FGF12: variants seen among roughly 807,000 people sequenced by gnomAD.
FGF12 encodes the protein fibroblast growth factor 12B.
A neutral mutation model predicts 23.6 loss-of-function variants in FGF12; 14 were observed. That is an observed-to-expected ratio of 0.59 (90% CI 0.39 to 0.93). The LOEUF is 0.93. Ranked by LOEUF, FGF12 falls within the 40% of genes least tolerant of loss-of-function variation. The pLI, the probability that FGF12 is intolerant of heterozygous loss-of-function variation, is 0.00. For missense variants in FGF12, 175 were observed against 217.8 expected, an observed-to-expected ratio of 0.80 and a Z score of 1.24; for synonymous variants, 62 against 77.3, an observed-to-expected ratio of 0.80 and a Z score of 1.04.
chr3:192,375,271 G>A (rs896988240), intron 2 of FGF12, among the ~76,000 whole-genome samples: 1 of 151,986 alleles, frequency 6.6e-6, no homozygotes, highest in African/African-American at 2.4e-5. Flanking sequence ...ATCTTCGTTT[G>A]TGGTTTTTAT....
At chr3:192,617,246 T>C (rs903478723) in intron 2 of FGF12, among the ~76,000 whole-genome samples, 1 of 152,016 alleles carries the variant, frequency 6.6e-6, no homozygotes, top group East Asian at 1.9e-4. Flanking sequence ...ATTAAGAACC[T>C]AAAGAGAAGT....
At chr3:192,307,303 A>AC (rs1166772796) in intron 4 of FGF12, among the ~76,000 whole-genome samples, 1 of 152,226 alleles carries the variant, frequency 6.6e-6, no homozygotes, top group East Asian at 1.9e-4. Context: ...ATGATGCCAG[A>AC]TAAAAAAGGC....
chr3:192,540,441 A>G (rs1725338088), intron 2 of FGF12, among the ~76,000 whole-genome samples: 1 of 151,954 alleles, frequency 6.6e-6, no homozygotes, highest in African/African-American at 2.4e-5. Flanking sequence ...TCATGGTTGT[A>G]TAGTTTTCAA....
At chr3:192,595,080 G>T (rs117240307) in intron 2 of FGF12, among the ~76,000 whole-genome samples, 1 of 152,214 alleles carries the variant, frequency 6.6e-6, no homozygotes, top group East Asian at 1.9e-4. Context: ...TTTCCTTGTA[G>T]GGTATTAACC....
chr3:192,608,191 C>CA (rs781724237), intron 2 of FGF12, among the ~76,000 whole-genome samples: 1 of 151,946 alleles, frequency 6.6e-6, no homozygotes, highest in Non-Finnish European at 1.5e-5. Flanking sequence ...TTAATGGGTA[C>CA]AAAAAATATA....
intron 5 of FGF12, among the ~76,000 whole-genome samples, chr3:192,161,365 G>T (rs1212810197): frequency 1.3e-5 from 2 of 151,988 alleles, no homozygotes; most frequent in Non-Finnish European, 2.9e-5. Flanking sequence ...GAAATACCCG[G>T]ATGTTCTAAG....
intron 4 of FGF12, among the ~76,000 whole-genome samples, chr3:192,230,832 T>A (rs908382799): frequency 6.6e-6 from 1 of 152,092 alleles, no homozygotes; most frequent in Non-Finnish European, 1.5e-5. Context: ...ATTCATATAG[T>A]GCATCAGCAA....
At chr3:192,329,504 T>A (rs988697178) in intron 4 of FGF12, among the ~76,000 whole-genome samples, 2 of 152,190 alleles carry the variant, frequency 1.3e-5, no homozygotes, top group African/African-American at 4.8e-5. Context: ...TTTATCTACA[T>A]TTGCTTTATT....
At chr3:192,442,948 C>T (rs1195837883) in intron 2 of FGF12, among the ~76,000 whole-genome samples, 1 of 151,970 alleles carries the variant, frequency 6.6e-6, no homozygotes, top group Non-Finnish European at 1.5e-5. Flanking sequence ...GCTGGGATTA[C>T]AGGTGCCTGC....
At chr3:192,167,399 G>A (rs1020378168) in intron 5 of FGF12, among the ~76,000 whole-genome samples, 5 of 151,990 alleles carry the variant, frequency 3.3e-5, no homozygotes, top group African/African-American at 1.2e-4. Flanking sequence ...CAGCATGTGT[G>A]GTTGTGTTCC....
chr3:192,468,169 T>C (rs1462089165), intron 2 of FGF12, among the ~76,000 whole-genome samples: 1 of 152,190 alleles, frequency 6.6e-6, no homozygotes, highest in Non-Finnish European at 1.5e-5. Context: ...ACAATCTTTT[T>C]GGAAAAATTG....
At chr3:192,293,116 T>C (rs1714847106) in intron 4 of FGF12, among the ~76,000 whole-genome samples, 1 of 152,118 alleles carries the variant, frequency 6.6e-6, no homozygotes, top group Non-Finnish European at 1.5e-5. Flanking sequence ...CTCTCAGAAT[T>C]TCATTTAAAT....
rs372289930 is a variant in FGF12, at chr3:192,173,011, ATTATG to A, written c.229-2360_229-2356del. ...GGCAACAAGGATGAACCTCATACAC[ATTATG>A]TTAAGTGCAAGGAGCCAGATATAAA... is the stretch of plus-strand genomic sequence containing the variant. On this transcript the variant is annotated intron_variant, in intron 4 of 5. Transcript: ENST00000445105. Among the ~76,000 whole-genome samples the A allele has an allele frequency of 1.2e-4, 18 of 150,992 alleles. 1 individual carries two copies. Among genetic ancestry groups the A allele is most frequent in the African/African-American group, 3.6e-4 (15 of 41,308 alleles).
At chr3:192,649,568 TA>T (rs1402513307) in intron 2 of FGF12, among the ~76,000 whole-genome samples, 10 of 152,160 alleles carry the variant, frequency 6.6e-5, no homozygotes, top group Admixed American at 6.6e-5. Flanking sequence ...ATTTATTTAT[TA>T]TTTTTTAATA....
At chr3:192,289,493 G>C (rs550623764) in intron 4 of FGF12, among the ~76,000 whole-genome samples, 4 of 152,090 alleles carry the variant, frequency 2.6e-5, no homozygotes, top group Non-Finnish European at 1.5e-5. Context: ...AATAAGTAGA[G>C]GATTCAAATG....
intron 3 of FGF12, among the ~76,000 whole-genome samples, chr3:192,358,602 G>T (rs148241978): frequency 2.6e-5 from 4 of 151,850 alleles, no homozygotes; most frequent in East Asian, 1.9e-4. Context: ...TTCACCCAGC[G>T]TCAGCAGAGC....
intron 2 of FGF12, among the ~76,000 whole-genome samples, chr3:192,714,278 T>C (rs1447851740): frequency 1.3e-5 from 2 of 152,050 alleles, no homozygotes; most frequent in African/African-American, 4.8e-5. Context: ...GAAACTGTTC[T>C]TTTAGAACTC....
intron 2 of FGF12, among the ~76,000 whole-genome samples, chr3:192,578,971 C>T (rs776917504): frequency 1.3e-5 from 2 of 152,180 alleles, no homozygotes; most frequent in Non-Finnish European, 2.9e-5. Flanking sequence ...AGACCTCCCA[C>T]GCTGCCTTGG....
intron 2 of FGF12, among the ~76,000 whole-genome samples, chr3:192,508,775 G>T (rs1157416848): frequency 6.6e-6 from 1 of 152,072 alleles, no homozygotes; most frequent in Non-Finnish European, 1.5e-5. Context: ...TTCCATTAAA[G>T]CTCTCATCTG....
Sources: gnomAD v4.1 joint callset for allele counts (sites outside exome capture counted in the v4.1 genomes callset) on GRCh38, gnomAD v4.1.1 for gene constraint, MANE v1.5 for transcripts, NCBI Gene and HGNC (gene_info 2026-07-23, HGNC 2026-07-21) for gene names.